The following KLF12 variants were observed in gnomAD, a reference collection of about 807,000 sequenced individuals.
KLF12 encodes Krueppel-like factor 12.
Under a neutral mutation model 37.8 loss-of-function variants are expected in KLF12, and 9 were observed. The observed-to-expected ratio is 0.24, with a 90% CI of 0.14 to 0.42. The LOEUF is 0.42. Ranked by LOEUF, KLF12 falls within the 10% of genes least tolerant of loss-of-function variation. The probability of loss-of-function intolerance (pLI) is 1.00; values close to 1 mark genes in which losing one functional copy is unlikely to be tolerated. For missense variants in KLF12, 411 were observed against 516.0 expected, an observed-to-expected ratio of 0.80 and a Z score of 1.97; for synonymous variants, 208 against 202.1, an observed-to-expected ratio of 1.03 and a Z score of -0.25.
chr13:74,067,198 T>C (rs751975194), intron 1 of KLF12, among the ~76,000 whole-genome samples: 13 of 151,974 alleles, frequency 8.6e-5, no homozygotes, highest in Non-Finnish European at 1.8e-4. Flanking sequence ...CTTAACAAGA[T>C]ACAACCCTTG....
intron 6 of KLF12, among the ~76,000 whole-genome samples, chr13:73,752,246 G>C (rs1018135660): frequency 2.6e-5 from 4 of 152,174 alleles, no homozygotes; most frequent in Admixed American, 6.5e-5. Flanking sequence ...GCCTCCCAAA[G>C]TGTTGGGATT....
At chr13:74,205,188 G>A in the KLF12 span, among the ~76,000 whole-genome samples, 1 of 152,052 alleles carries the variant, frequency 6.6e-6, no homozygotes, top group Admixed American at 6.6e-5. Flanking sequence ...TAGACTGATA[G>A]CAAATTTGCT....
chr13:73,874,029 C>T (rs1306544118), intron 3 of KLF12, among the ~76,000 whole-genome samples: 2 of 152,070 alleles, frequency 1.3e-5, no homozygotes, highest in African/African-American at 2.4e-5. Flanking sequence ...GCTATAATGG[C>T]AATGGAAAAG....
intron 2 of KLF12, among the ~76,000 whole-genome samples, chr13:73,964,627 TA>T (rs1891123495): frequency 7.9e-6 from 1 of 126,650 alleles, no homozygotes; most frequent in African/African-American, 3.2e-5. Context: ...AAAAAAAATC[TA>T]AGGTCATTCT....
At chr13:74,033,862 T>C (rs1420880852) in intron 1 of KLF12, among the ~76,000 whole-genome samples, 1 of 152,066 alleles carries the variant, frequency 6.6e-6, no homozygotes, top group African/African-American at 2.4e-5. Flanking sequence ...ACAGAAAGTA[T>C]ACATTCACAC....
intron 6 of KLF12, among the ~76,000 whole-genome samples, chr13:73,734,657 G>GGTCA (rs1428500823): frequency 6.6e-6 from 1 of 151,784 alleles, no homozygotes; most frequent in African/African-American, 2.4e-5. Flanking sequence ...ATTATCTATT[G>GGTCA]GTCAGTTAAG....
the KLF12 span, among the ~76,000 whole-genome samples, chr13:74,143,516 TAATTA>T: frequency 2.0e-5 from 3 of 152,316 alleles, no homozygotes; most frequent in African/African-American, 7.2e-5. Context: ...TTTCATATAA[TAATTA>T]ATTTAATCTT....
rs551731608 is a variant in KLF12, at chr13:73,749,257, A to C, written c.869+15681T>G. On this transcript the variant is annotated intron_variant, in intron 6 of 7. Transcript: ENST00000377669. ...TTCAGCTAAGAGATTAAAAAGAAAAAAAGATATTTATTCTTTGTTCATATG... is the reference window on the plus strand; with the variant it reads ...TTCAGCTAAGAGATTAAAAAGAAAACAAGATATTTATTCTTTGTTCATATG... 5.9e-5 allele frequency among the ~76,000 whole-genome samples: 9 copies of C among 152,326 alleles called. No homozygotes were observed. The South Asian group carries it at 1.9e-3, about 32-fold the overall frequency.
At chr13:73,752,859 G>A (rs1878877060) in intron 6 of KLF12, among the ~76,000 whole-genome samples, 2 of 151,394 alleles carry the variant, frequency 1.3e-5, no homozygotes, top group Non-Finnish European at 2.9e-5. Flanking sequence ...TGGGATTACA[G>A]GTGCCCGCCA....
At chr13:74,081,528 C>G (rs115247858) in intron 1 of KLF12, among the ~76,000 whole-genome samples, 2,046 of 152,198 alleles carry the variant, frequency 0.013, 38 homozygotes, top group African/African-American at 0.046. Context: ...TCACATGGTA[C>G]TAAGCAATCA....
chr13:73,915,397 C>T (rs187317088), intron 3 of KLF12, among the ~76,000 whole-genome samples: 5 of 152,252 alleles, frequency 3.3e-5, no homozygotes, highest in African/African-American at 9.6e-5. Context: ...GCCTCATTTC[C>T]GTAGAAGTGT....
At chr13:74,001,111 T>C (rs1434245897) in intron 1 of KLF12, among the ~76,000 whole-genome samples, 3 of 152,214 alleles carry the variant, frequency 2.0e-5, no homozygotes, top group African/African-American at 7.2e-5. Flanking sequence ...CTGCCAAAAG[T>C]AACTTGGCCA....
At position 73,845,855 on chromosome 13, in the gene KLF12, A is replaced by G. The variant is rs777823454; in HGVS notation, c.642T>C (p.Leu214=). The G allele has an allele frequency of 6.8e-6, 11 of 1,613,798 alleles. No individual in the cohort carries two copies. The highest frequency in any genetic ancestry group is 4.2e-6 in the Non-Finnish European group (5 of 1,179,852). Reference sequence around the variant, plus strand: ...TGCCATGGCCTCTCCCATCCTCCAAAAGCGGCACGACAATAGTGTTGTTCA... The same window carrying G: ...TGCCATGGCCTCTCCCATCCTCCAAGAGCGGCACGACAATAGTGTTGTTCA... The change falls in exon 4 of 8, where the codon CTT becomes CTC. Residue 214 remains leucine (L), a synonymous_variant. Transcript: ENST00000377669.
intron 1 of KLF12, among the ~76,000 whole-genome samples, chr13:74,075,203 G>A (rs1410088049): frequency 6.6e-6 from 1 of 152,144 alleles, no homozygotes; most frequent in African/African-American, 2.4e-5. Context: ...AAAAAATATG[G>A]CAAATTAGCT....
the KLF12 span, among the ~76,000 whole-genome samples, chr13:74,264,961 A>G: frequency 6.6e-6 from 1 of 152,188 alleles, no homozygotes; most frequent in African/African-American, 2.4e-5. Context: ...GAAGCTGTAT[A>G]GATTATTGAT....
At chr13:73,835,941 G>T (rs1486162755) in intron 4 of KLF12, among the ~76,000 whole-genome samples, 1 of 151,890 alleles carries the variant, frequency 6.6e-6, no homozygotes, top group Non-Finnish European at 1.5e-5. Context: ...CTTTTAAAAA[G>T]AATTTCTCTT....
At chr13:74,116,546 A>G (rs1366692346) in intron 1 of KLF12, among the ~76,000 whole-genome samples, 2 of 152,216 alleles carry the variant, frequency 1.3e-5, no homozygotes, top group East Asian at 1.9e-4. Flanking sequence ...CATCATGAAC[A>G]TTCACTGAGA....
chr13:74,082,163 T>TAAAAAAAAAAAAAAAAAAAA (rs57156299), intron 1 of KLF12, among the ~76,000 whole-genome samples: 86 of 114,702 alleles, frequency 7.5e-4, no homozygotes, highest in African/African-American at 2.8e-3. Context: ...CCCTGTCTCT[T>TAAAAAAAAAAAAAAAAAAAA]AAAAAAAAAA....
At chr13:73,712,839 C>T (rs1431906451) in intron 7 of KLF12, among the ~76,000 whole-genome samples, 5 of 152,164 alleles carry the variant, frequency 3.3e-5, no homozygotes, top group African/African-American at 7.2e-5. Flanking sequence ...CAATGAAGTG[C>T]TTTTTAATTA....
Sources: gnomAD v4.1 joint callset for allele counts (sites outside exome capture counted in the v4.1 genomes callset) on GRCh38, gnomAD v4.1.1 for gene constraint, MANE v1.5 for transcripts, NCBI Gene and HGNC (gene_info 2026-07-23, HGNC 2026-07-21) for gene names.